The following CMIP variants were observed in gnomAD, a reference collection of about 807,000 sequenced individuals.
CMIP encodes c-Maf inducing protein, also known as C-Maf-inducing protein.
Under a neutral mutation model 97.3 loss-of-function variants are expected in CMIP, and 13 were observed. The ratio of observed to expected loss-of-function variants is 0.13; its 90% CI spans 0.09 to 0.21. The LOEUF is 0.21. Among genes scored for constraint, CMIP ranks in the 10% least tolerant of loss-of-function variants. CMIP has a pLI of 1.00. For missense variants in CMIP, 847 were observed against 1,024.9 expected (o/e 0.83, Z 2.37); for synonymous variants, 538 against 436.3 (o/e 1.23, Z -2.91).
intron 1 of CMIP, among the ~76,000 whole-genome samples, chr16:81,533,285 T>C (rs1018110607): frequency 2.0e-5 from 3 of 152,216 alleles, no homozygotes; most frequent in African/African-American, 7.2e-5. Context: ...TGGCACCTGC[T>C]AGATGCTCAG....
chr16:81,544,836 G>T (rs1397428377), intron 1 of CMIP, among the ~76,000 whole-genome samples: 3 of 152,126 alleles, frequency 2.0e-5, no homozygotes, highest in Non-Finnish European at 4.4e-5. Context: ...GTGTGTGCGT[G>T]CATGGAGGGC....
intron 1 of CMIP, among the ~76,000 whole-genome samples, chr16:81,577,877 A>G (rs535071248): frequency 2.1e-4 from 29 of 141,052 alleles, no homozygotes; most frequent in Middle Eastern, 4.4e-3. Flanking sequence ...CATCATCACC[A>G]TCATCCCCAT....
In CMIP at chr16:81,652,498, C is replaced by T. The variant is rs992373008; in HGVS notation, c.639+134C>T. The T allele has an allele frequency of 5.3e-6, 4 of 750,868 alleles. No homozygotes were observed. The African/African-American group carries it at 7.1e-5, about 13-fold the overall frequency. The allele number at this position is 750,868 out of a possible 1,614,324, so 46.5% of individuals were successfully genotyped here. On this transcript the variant is annotated intron_variant, in intron 4 of 20. Coordinates refer to ENST00000537098, the MANE Select transcript of CMIP (RefSeq NM_198390.3). This position sits in a 1 kb window ranked among gnomAD's most constrained non-coding sequence, Gnocchi z 5.2. ...TTGCCCTGCTGCCGAAGGAGGTGAG[C>T]AGTTGCCCACCCAGCCGTGTGTGGG...
intron 1 of CMIP, among the ~76,000 whole-genome samples, chr16:81,547,405 C>G (rs1167802849): frequency 2.0e-5 from 3 of 152,182 alleles, no homozygotes; most frequent in Non-Finnish European, 4.4e-5. Flanking sequence ...GCTGGCCCTT[C>G]CAGTCAGATA....
intron 1 of CMIP, among the ~76,000 whole-genome samples, chr16:81,502,956 C>T (rs1314081048): frequency 1.3e-5 from 2 of 152,162 alleles, no homozygotes; most frequent in Non-Finnish European, 1.5e-5. Context: ...CACGCCCTGT[C>T]TCTCTGTCCT....
chr16:81,616,172 T>G lies in CMIP; in HGVS notation c.427-4704T>G, dbSNP rs1184893975. On this transcript the variant is annotated intron_variant, in intron 2 of 20. Transcript: ENST00000537098. The surrounding 1 kb of genome is among the most constrained non-coding windows in gnomAD (Gnocchi z 4.7). ...AGCTGTATTTTTTTTTTTTTTTTTT[T>G]AACACCAGGCTCACTGGAGCAGTCG... is the stretch of plus-strand genomic sequence containing the variant. Among the ~76,000 whole-genome samples, 2 of 143,714 alleles carry G rather than the reference T, an allele frequency of 1.4e-5. No homozygotes were observed. The highest frequency in any genetic ancestry group is 1.5e-5 in the Non-Finnish European group (1 of 64,784). 94.3% of individuals were successfully genotyped at this position (143,714 alleles called of 152,430 possible).
At chr16:81,674,442 A>G (rs963882397) in intron 9 of CMIP, among the ~76,000 whole-genome samples, 1 of 151,882 alleles carries the variant, frequency 6.6e-6, no homozygotes, top group Non-Finnish European at 1.5e-5. Flanking sequence ...ACAGTATTTA[A>G]GTTATACCCA....
intron 5 of CMIP, among the ~76,000 whole-genome samples, chr16:81,658,418 C>G (rs1447402806): frequency 1.3e-5 from 2 of 152,198 alleles, no homozygotes; most frequent in Non-Finnish European, 2.9e-5. Context: ...AACCTAGTCC[C>G]TAAGGAGTTC....
chr16:81,678,237 G>A, intron 9 of CMIP, 38 bp from the exon 10 acceptor site: 3 of 1,492,162 alleles, frequency 2.0e-6, no homozygotes, highest in Non-Finnish European at 1.8e-6. Flanking sequence ...CATGAACGGT[G>A]CCTGTACTCA....
At chr16:81,486,784 G>C (rs1344832670) in intron 1 of CMIP, among the ~76,000 whole-genome samples, 4 of 152,264 alleles carry the variant, frequency 2.6e-5, no homozygotes, top group Non-Finnish European at 5.9e-5. Flanking sequence ...AGCCAGCTTG[G>C]TTTGGAAGCC....
At chr16:81,704,949 G>T (rs562238342) in intron 18 of CMIP, among the ~76,000 whole-genome samples, 20 of 151,874 alleles carry the variant, frequency 1.3e-4, no homozygotes, top group South Asian at 1.0e-3. Flanking sequence ...GCCTGCGGGG[G>T]GCTGCGCAGG....
rs1016179532 is a variant in CMIP at position 81,635,938 on chromosome 16, T to A, written c.477+15012T>A. ...ATAACATAGTCTCAAATTTTCGGGG[T>A]TTACATGGTGAGCATGGAGTTAGCA... On this transcript the variant is annotated intron_variant, in intron 3 of 20. Coordinates refer to ENST00000537098, the MANE Select transcript of CMIP (RefSeq NM_198390.3). 2.0e-5 allele frequency among the ~76,000 whole-genome samples: 3 copies of A among 152,026 alleles called. No individual in the cohort carries two copies. The East Asian group carries it at 5.8e-4, about 29-fold the overall frequency.
In CMIP at chr16:81,702,663, G is replaced by C; in HGVS notation, c.1938G>C (p.Lys646Asn). 6.2e-7 allele frequency: 1 copy of C among 1,613,358 alleles called. No individual in the cohort carries two copies. The stretch of plus-strand genomic sequence containing the variant: ...CCACCAGGCTAACACTGCCCTCCAA[G>C]TCCACAGTGAGTTGGTTTGGTTCTC... ...GGPTRLTLPS[K>N]STDADLARLL... Residue 646 changes from lysine (K) to asparagine (N), a missense_variant, in exon 17 of 21, where the codon AAG (lysine) becomes AAC (asparagine). Lys to Asn is a moderately conservative substitution (Grantham distance 94, BLOSUM62 0). Coordinates refer to ENST00000537098, the MANE Select transcript of CMIP (RefSeq NM_198390.3).
intron 2 of CMIP, 150 bp downstream of exon 2, chr16:81,607,842 A>C: frequency 1.1e-6 from 1 of 898,974 alleles, no homozygotes; most frequent in Non-Finnish European, 1.7e-6. Flanking sequence ...AGAAAGCTGT[A>C]AACCAGGTCT....
intron 7 of CMIP, among the ~76,000 whole-genome samples, chr16:81,667,703 A>C (rs2092618941): frequency 6.9e-6 from 1 of 144,804 alleles, no homozygotes; most frequent in Non-Finnish European, 1.5e-5. Flanking sequence ...CCAAAGCCAG[A>C]TTAAATACTT....
At chr16:81,506,075 A>C (rs1028049601) in intron 1 of CMIP, among the ~76,000 whole-genome samples, 1 of 152,230 alleles carries the variant, frequency 6.6e-6, no homozygotes, top group Non-Finnish European at 1.5e-5. Flanking sequence ...ATTGCTGAGC[A>C]GTTTACACAC....
At chr16:81,488,079 C>T (rs925092878) in intron 1 of CMIP, among the ~76,000 whole-genome samples, 12 of 144,658 alleles carry the variant, frequency 8.3e-5, no homozygotes, top group East Asian at 4.1e-4. Flanking sequence ...GGCAAGACGC[C>T]GTTTGCATAG....
At chr16:81,603,582 T>C (rs1489106086) in intron 1 of CMIP, among the ~76,000 whole-genome samples, 1 of 152,136 alleles carries the variant, frequency 6.6e-6, no homozygotes, top group Non-Finnish European at 1.5e-5. Flanking sequence ...TTAGGTTTCT[T>C]TAGGTTTTCC....
intron 1 of CMIP, among the ~76,000 whole-genome samples, chr16:81,507,603 C>T (rs1052783529): frequency 1.3e-5 from 2 of 152,176 alleles, no homozygotes; most frequent in East Asian, 1.9e-4. Context: ...GGAACATCCA[C>T]TTTAGACAAT....
Sources: gnomAD v4.1 joint callset for allele counts (sites outside exome capture counted in the v4.1 genomes callset) on GRCh38, gnomAD v4.1.1 for gene constraint, Gnocchi (gnomAD v3.1) non-coding constraint, MANE v1.5 for transcripts, NCBI Gene and HGNC (gene_info 2026-07-23, HGNC 2026-07-21) for gene names.